Variants in CSMD1 observed in about 807,000 individuals in gnomAD.
The protein encoded by CSMD1 is CUB and sushi domain-containing protein 1.
A neutral mutation model predicts 417.5 loss-of-function variants in CSMD1; 213 were observed. The observed-to-expected ratio is 0.51, with a 90% CI of 0.46 to 0.57. The LOEUF is 0.57. Among genes scored for constraint, CSMD1 ranks in the 20% least tolerant of loss-of-function variants. The pLI is 0.00. For synonymous variants in CSMD1, 2,862 were observed against 1,736.8 expected, an observed-to-expected ratio of 1.65 and a Z score of -16.11; for missense variants, 6,923 against 4,529.7, an observed-to-expected ratio of 1.53 and a Z score of -15.17.
chr8:3,621,765 A>AC (rs1339241097), intron 7 of CSMD1, among the ~76,000 whole-genome samples: 1 of 149,184 alleles, frequency 6.7e-6, no homozygotes, highest in Non-Finnish European at 1.5e-5. Context: ...TATTATTATT[A>AC]TTTTATTATT....
intron 11 of CSMD1, among the ~76,000 whole-genome samples, chr8:3,474,985 TA>T (rs1451380095): frequency 1.3e-5 from 2 of 152,294 alleles, no homozygotes; most frequent in South Asian, 2.1e-4. Context: ...CCCTGCAGTG[TA>T]AAACTCTGTC....
intron 3 of CSMD1, among the ~76,000 whole-genome samples, chr8:4,258,331 AGGGAGGGAG>A (rs1200604625): frequency 3.4e-5 from 2 of 58,364 alleles, no homozygotes. Context: ...GGAGAAAGAG[AGGGAGGGAG>A]GGGAGGGAGA....
intron 3 of CSMD1, among the ~76,000 whole-genome samples, chr8:4,095,427 A>C (rs1445150864): frequency 5.3e-5 from 8 of 152,194 alleles, no homozygotes; most frequent in African/African-American, 1.4e-4. Flanking sequence ...TAGTGCAGCT[A>C]GTGATTGTAG....
chr8:3,929,981 T>G lies in CSMD1; in HGVS notation c.818+67922A>C, dbSNP rs1019560184. ...TGTGCACAGCCTATATGATTAAATT[T>G]TTAAAAACTATTTTATTGTTAATGC... On this transcript the variant is annotated intron_variant, in intron 5 of 69. Coordinates refer to ENST00000635120, the MANE Select transcript of CSMD1 (RefSeq NM_033225.6). Among the ~76,000 whole-genome samples the G allele has an allele frequency of 2.3e-4, 34 of 150,562 alleles. 1 individual carries two copies. The highest frequency in any genetic ancestry group is 7.8e-4 in the African/African-American group (32 of 40,880).
intron 3 of CSMD1, among the ~76,000 whole-genome samples, chr8:4,190,538 A>C (rs1305418032): frequency 2.1e-5 from 2 of 93,450 alleles, no homozygotes; most frequent in African/African-American, 3.7e-5. Flanking sequence ...ACATACACAT[A>C]TAAGCTTTTT....
intron 3 of CSMD1, among the ~76,000 whole-genome samples, chr8:4,334,185 G>A (rs1033721666): frequency 6.6e-6 from 1 of 152,124 alleles, no homozygotes; most frequent in Admixed American, 6.6e-5. Flanking sequence ...GGGATTACAG[G>A]TGTGAGCCAC....
chr8:3,511,032 A>G (rs1027985236), intron 10 of CSMD1, among the ~76,000 whole-genome samples: 3 of 151,892 alleles, frequency 2.0e-5, no homozygotes, highest in East Asian at 1.9e-4. Flanking sequence ...CTTATACACC[A>G]TGGAATACTA....
intron 23 of CSMD1, among the ~76,000 whole-genome samples, chr8:3,340,381 G>C (rs117974340): frequency 6.6e-6 from 1 of 152,226 alleles, no homozygotes; most frequent in African/African-American, 2.4e-5. Context: ...TTCTAAAAAT[G>C]TTAGGGTTTT....
At chr8:3,764,415 A>G (rs1174161033) in intron 5 of CSMD1, among the ~76,000 whole-genome samples, 1 of 151,976 alleles carries the variant, frequency 6.6e-6, no homozygotes, top group African/African-American at 2.4e-5. Flanking sequence ...TATATAAACA[A>G]CGTATGAGTG....
chr8:3,596,122 C>T (rs568451162), intron 8 of CSMD1, among the ~76,000 whole-genome samples: 1 of 152,296 alleles, frequency 6.6e-6, no homozygotes, highest in South Asian at 2.1e-4. Context: ...ATGCTCTTTG[C>T]TCTGTAGCTC....
intron 2 of CSMD1, among the ~76,000 whole-genome samples, chr8:4,552,529 G>T (rs914623377): frequency 1.3e-5 from 2 of 152,038 alleles, no homozygotes; most frequent in Non-Finnish European, 2.9e-5. Flanking sequence ...GAAGATTAAT[G>T]AAGTCAGCTT....
At chr8:3,881,462 C>G (rs1284672646) in intron 5 of CSMD1, among the ~76,000 whole-genome samples, 1 of 151,516 alleles carries the variant, frequency 6.6e-6, no homozygotes, top group Non-Finnish European at 1.5e-5. Context: ...TGGTGAAACC[C>G]TGTCTCTACT....
chr8:4,118,685 G>A (rs1054848109), intron 3 of CSMD1, among the ~76,000 whole-genome samples: 13 of 152,130 alleles, frequency 8.5e-5, no homozygotes, highest in Middle Eastern at 3.2e-3. Flanking sequence ...ACAGTGTGGT[G>A]ATTGCTCAAG....
intron 3 of CSMD1, among the ~76,000 whole-genome samples, chr8:4,203,550 G>T (rs748381997): frequency 6.6e-6 from 1 of 152,102 alleles, no homozygotes; most frequent in Non-Finnish European, 1.5e-5. Flanking sequence ...TTAAACAGCT[G>T]GGTGTGAATT....
chr8:4,688,434 A>G (rs1806530859), intron 1 of CSMD1, among the ~76,000 whole-genome samples: 1 of 152,112 alleles, frequency 6.6e-6, no homozygotes, highest in African/African-American at 2.4e-5. Context: ...AAGAAGGGTG[A>G]GCCATCTCCC....
At chr8:4,012,749 T>A (rs1249637173) in intron 4 of CSMD1, among the ~76,000 whole-genome samples, 2 of 152,248 alleles carry the variant, frequency 1.3e-5, no homozygotes, top group African/African-American at 4.8e-5. Flanking sequence ...CTAAAATGGT[T>A]CTTTTGCTCT....
At chr8:4,942,447 T>C (rs1232517325) in intron 1 of CSMD1, among the ~76,000 whole-genome samples, 4 of 152,184 alleles carry the variant, frequency 2.6e-5, no homozygotes, top group Admixed American at 2.6e-4. Flanking sequence ...CAACCAACCA[T>C]CATGACAAAG....
At chr8:3,127,746 T>C (rs947522347) in intron 41 of CSMD1, 1 of 152,182 alleles carries the variant, frequency 6.6e-6, no homozygotes, top group African/African-American at 2.4e-5. Context: ...ATCTTTGAGA[T>C]TTTGGCATTG....
At position 3,820,506 on chromosome 8, in the gene CSMD1, G is replaced by A. The variant is rs372625594; in HGVS notation, c.819-66464C>T. 4.0e-4 allele frequency among the ~76,000 whole-genome samples: 61 copies of A among 152,310 alleles called. 1 individual carries two copies. Among genetic ancestry groups the A allele is most frequent in the South Asian group, 1.7e-3 (8 of 4,828 alleles). On this transcript the variant is annotated intron_variant, in intron 5 of 69. Transcript: ENST00000635120. ...AAGTTTGTCAGGGTCAACAGCACAC[G>A]TGAAGCTGACATCTCCTATGGTAAC...
Sources: allele counts gnomAD v4.1 joint callset (sites outside exome capture counted in the v4.1 genomes callset), GRCh38; gene constraint gnomAD v4.1.1; transcripts MANE v1.5; gene names NCBI Gene and HGNC (gene_info 2026-07-23, HGNC 2026-07-21).